Variants in CASP9 observed in about 807,000 individuals in gnomAD.
The protein encoded by CASP9 is caspase-9.
CASP9 carries 29 observed loss-of-function variants against 43.5 expected under a neutral mutation model. The ratio of observed to expected loss-of-function variants is 0.67; its 90% CI spans 0.50 to 0.91. The LOEUF (loss-of-function observed/expected upper bound fraction) is 0.91. Ranked by LOEUF, CASP9 falls within the 40% of genes least tolerant of loss-of-function variation. The pLI is 0.00. For synonymous variants in CASP9, 206 were observed against 211.9 expected, an observed-to-expected ratio of 0.97 and a Z score of 0.24; for missense variants, 575 against 537.4, an observed-to-expected ratio of 1.07 and a Z score of -0.69.
At chr1:15,524,013 T>TCGAGGGGCGTGGGGACCCGGC in intron 1 of CASP9, 56 bp downstream of exon 1, 2 of 1,330,382 alleles carry the variant, frequency 1.5e-6, no homozygotes, top group Non-Finnish European at 1.0e-6. Context: ...CAACGCCTCC[T>TCGAGGGGCGTGGGGACCCGGC]CGAGGGGCGT....
At chr1:15,522,623 G>A (rs966140998) in intron 1 of CASP9, among the ~76,000 whole-genome samples, 1 of 152,172 alleles carries the variant, frequency 6.6e-6, no homozygotes, top group Admixed American at 6.5e-5. Flanking sequence ...GCTGAGGCAG[G>A]AAGACCACTT....
At position 15,492,912 on chromosome 1, in the gene CASP9, G is replaced by A. The variant is rs1467017404; in HGVS notation, c.*31C>T. The A allele has an allele frequency of 1.2e-6, 2 of 1,611,442 alleles. No homozygotes were observed. Among genetic ancestry groups the A allele is most frequent in the African/African-American group, 1.3e-5 (1 of 74,864 alleles). ...GCCTGGGGCAGGAAAGCTTTGGGGT[G>A]CAAGATAAGGCAGGGTGAGGGGCCC... On this transcript the variant is annotated 3_prime_UTR_variant, in exon 9 of 9. Coordinates refer to ENST00000333868, the MANE Select transcript of CASP9 (RefSeq NM_001229.5).
At chr1:15,516,587 T>TG (rs1709959779) in intron 2 of CASP9, among the ~76,000 whole-genome samples, 1 of 152,218 alleles carries the variant, frequency 6.6e-6, no homozygotes, top group Non-Finnish European at 1.5e-5. Context: ...GTAGTCCTCC[T>TG]GCCTCAGCCT....
intron 8 of CASP9, chr1:15,493,373 A>C: frequency 8.1e-7 from 1 of 1,235,010 alleles, no homozygotes. Flanking sequence ...CCACAAGGCC[A>C]CAGGACCCTC....
rs763965107 is a variant in CASP9 at position 15,518,267 on chromosome 1, C to T, written c.261G>A (p.Ser87=). 9 of 1,614,192 alleles carry T rather than the reference C, an allele frequency of 5.6e-6. No homozygotes were observed. Among genetic ancestry groups the T allele is most frequent in the East Asian group, 2.2e-5 (1 of 44,888 alleles). ...CTGCTTGCCTGTTAGTTCGCAGAAA[C>T]GAAGCCAGCATGTCCTGGCCTGTGT... ...LEDTGQDMLA[S]FLRTNRQAAK... is the part of the protein sequence containing the mutation. The change falls in exon 2 of 9, where the codon TCG becomes TCA. Residue 87 remains serine, a synonymous_variant. Transcript: ENST00000333868.
chr1:15,506,676 T>C (rs1205614522), intron 4 of CASP9, among the ~76,000 whole-genome samples: 5 of 152,122 alleles, frequency 3.3e-5, no homozygotes, highest in Non-Finnish European at 7.4e-5. Flanking sequence ...ACAAGGAAAC[T>C]GAGGCACAGG....
chr1:15,518,371 C>G lies in CASP9; in HGVS notation c.157G>C (p.Asp53His). The part of the protein sequence containing the change: ...IQRAGSGSRR[D>H]QARQLIIDLE... ...TCTATGATCAGCTGCCTGGCCTGAT[C>G]CCGCCGAGATCCAGAGCCTGCCCGC... The change falls in exon 2 of 9, where the codon GAT (aspartate) becomes CAT (histidine). Residue 53 changes from aspartate (D) to histidine (H), a missense_variant. Physicochemically the swap from Asp to His is moderately conservative, Grantham distance 81. Transcript: ENST00000333868. 1 of 1,613,012 alleles carries G rather than the reference C, an allele frequency of 6.2e-7. No homozygotes were observed. The highest frequency in any genetic ancestry group is 8.5e-7 in the Non-Finnish European group (1 of 1,179,330).
intron 1 of CASP9, 103 bp from the exon 2 acceptor site, chr1:15,518,498 A>T: frequency 8.0e-7 from 1 of 1,257,804 alleles, no homozygotes. Flanking sequence ...ACAATCAGGC[A>T]CGTGGGCAGC....
chr1:15,502,489 A>G (rs1709363731), intron 6 of CASP9, among the ~76,000 whole-genome samples: 1 of 152,110 alleles, frequency 6.6e-6, no homozygotes, highest in Non-Finnish European at 1.5e-5. Context: ...ATTTTAAAAA[A>G]AGAGTTAGCC....
intron 2 of CASP9, among the ~76,000 whole-genome samples, chr1:15,513,177 AC>A (rs1426288406): frequency 6.2e-4 from 93 of 150,782 alleles, no homozygotes; most frequent in African/African-American, 2.1e-3. Flanking sequence ...AAAAAAAAAA[AC>A]GAACGGCTCA....
At chr1:15,507,710 G>A (rs1380276632) in intron 3 of CASP9, 163 bp downstream of exon 3, 1 of 667,036 alleles carries the variant, frequency 1.5e-6, no homozygotes, top group Non-Finnish European at 2.7e-6. Context: ...ATCTGCCCCA[G>A]CAGGCGCTGG....
intron 6 of CASP9, among the ~76,000 whole-genome samples, chr1:15,499,016 C>T (rs1273145036): frequency 6.6e-6 from 1 of 152,258 alleles, no homozygotes; most frequent in East Asian, 1.9e-4. Flanking sequence ...GGATGACAGG[C>T]GTGAGCCACC....
rs1229558718 is a variant in CASP9, at chr1:15,495,468, A to G, written c.869-16T>C. 1 of 1,558,916 alleles carries G rather than the reference A, an allele frequency of 6.4e-7. No individual in the cohort carries two copies. The highest frequency in any genetic ancestry group is 8.7e-7 in the Non-Finnish European group (1 of 1,154,204). ...TCTTTCTGCTCTGCAGGAAGCAGAA[A>G]CAAACACCTCTTGTCATTGAAATAC... On this transcript the variant is annotated splice_polypyrimidine_tract_variant and intron_variant, in intron 6 of 8. Transcript: ENST00000333868.
intron 1 of CASP9, among the ~76,000 whole-genome samples, chr1:15,521,994 A>G (rs1333340646): frequency 6.6e-6 from 1 of 152,234 alleles, no homozygotes; most frequent in African/African-American, 2.4e-5. Flanking sequence ...TCTCACTAGC[A>G]GAACAGTTGG....
chr1:15,494,971 A>G (rs1709048618), intron 7 of CASP9, among the ~76,000 whole-genome samples: 1 of 150,950 alleles, frequency 6.6e-6, no homozygotes. Context: ...TTTAATTCCC[A>G]TGGAAACCCC....
At chr1:15,510,264 T>C (rs1434045892) in intron 2 of CASP9, among the ~76,000 whole-genome samples, 1 of 152,138 alleles carries the variant, frequency 6.6e-6, no homozygotes, top group African/African-American at 2.4e-5. Context: ...GAGAATACAG[T>C]GGCCACCTCC....
intron 2 of CASP9, among the ~76,000 whole-genome samples, chr1:15,511,697 C>T (rs569952771): frequency 6.6e-6 from 1 of 152,216 alleles, no homozygotes; most frequent in Non-Finnish European, 1.5e-5. Flanking sequence ...AGCCACCATG[C>T]CCAGCCTACC....
intron 2 of CASP9, among the ~76,000 whole-genome samples, chr1:15,517,007 T>C (rs751446814): frequency 1.3e-5 from 2 of 152,210 alleles, no homozygotes; most frequent in Non-Finnish European, 2.9e-5. Flanking sequence ...ATCATTTATG[T>C]AAGCACTCCG....
At chr1:15,514,703 A>C (rs1167182574) in intron 2 of CASP9, among the ~76,000 whole-genome samples, 1 of 152,168 alleles carries the variant, frequency 6.6e-6, no homozygotes, top group African/African-American at 2.4e-5. Context: ...AGTGATATTC[A>C]CATTATTTAA....
Sources: allele counts gnomAD v4.1 joint callset (sites outside exome capture counted in the v4.1 genomes callset), GRCh38; gene constraint gnomAD v4.1.1; transcripts MANE v1.5; gene names NCBI Gene and HGNC (gene_info 2026-07-23, HGNC 2026-07-21).